The following SLC22A23 variants were observed in gnomAD, a reference collection of about 807,000 sequenced individuals.
SLC22A23 encodes solute carrier family 22 member 23, also known as ion transporter protein.
In SLC22A23, 26 loss-of-function variants were observed where a neutral mutation model predicts 61.0. The observed-to-expected ratio is 0.43, with a 90% CI of 0.31 to 0.59. The LOEUF (loss-of-function observed/expected upper bound fraction) is 0.59. Ranked by LOEUF, SLC22A23 falls within the 20% of genes least tolerant of loss-of-function variation. The pLI is 0.11. For synonymous variants in SLC22A23, 430 were observed against 413.9 expected, an observed-to-expected ratio of 1.04 and a Z score of -0.47; for missense variants, 796 against 934.7, an observed-to-expected ratio of 0.85 and a Z score of 1.94.
rs11757841 is a variant in SLC22A23, at chr6:3,357,200, T to C, written c.914-33198A>G. ...TCCAATGCCATGGAAATATGTATCA[T>C]TGTTTTTGCCAAACAAACTCCCTTA... On this transcript the variant is annotated intron_variant, in intron 3 of 9. Coordinates refer to ENST00000406686, the MANE Select transcript of SLC22A23 (RefSeq NM_015482.2). 3.1e-3 allele frequency among the ~76,000 whole-genome samples: 471 copies of C among 152,292 alleles called. 2 individuals are homozygous for C. Among genetic ancestry groups the C allele is most frequent in the South Asian group, 0.011 (55 of 4,820 alleles).
In SLC22A23 at chr6:3,304,090, C is replaced by G. The variant is rs771969339; in HGVS notation, c.1083-5872G>C. Among the ~76,000 whole-genome samples, 1 of 152,220 alleles carries G rather than the reference C, an allele frequency of 6.6e-6. No homozygotes were observed. Among genetic ancestry groups the G allele is most frequent in the African/African-American group, 2.4e-5 (1 of 41,456 alleles). ...CCAGAGAGGATTCAATTCTGCTGTT[C>G]CCCTTTCTTATCTGGGCCCACGGAG... On this transcript the variant is annotated intron_variant, in intron 4 of 9. Coordinates refer to ENST00000406686, the MANE Select transcript of SLC22A23 (RefSeq NM_015482.2). The surrounding 1 kb of genome is among the most constrained non-coding windows in gnomAD (Gnocchi z 4.3).
chr6:3,300,299 G>A (rs568768658), intron 4 of SLC22A23, among the ~76,000 whole-genome samples: 2 of 152,238 alleles, frequency 1.3e-5, no homozygotes, highest in Admixed American at 6.5e-5. Context: ...ATGAGCCACC[G>A]TGCCCGGACT....
intron 9 of SLC22A23, among the ~76,000 whole-genome samples, chr6:3,274,912 A>G (rs1031990513): frequency 6.6e-6 from 1 of 152,072 alleles, no homozygotes; most frequent in Non-Finnish European, 1.5e-5. Flanking sequence ...TTTTTCCCAA[A>G]TTGATCTATA....
rs781526188 is a variant in SLC22A23, at chr6:3,280,512, T to TTTTTTTCC, written c.1703+3339_1703+3340insGGAAAAAA. Among the ~76,000 whole-genome samples, 95 of 98,322 alleles carry TTTTTTTCC rather than the reference T, an allele frequency of 9.7e-4. 3 individuals are homozygous for TTTTTTTCC. Among genetic ancestry groups the TTTTTTTCC allele is most frequent in the Non-Finnish European group, 1.4e-3 (70 of 49,778 alleles). The allele number at this position is 98,322 out of a possible 152,430, so 64.5% of individuals were successfully genotyped here. A position where few individuals can be genotyped will look rare whatever the true frequency, so the allele number is the denominator to read the frequency against. ...CAACTTTTTTTTTTTTTTTTTTTTTTTGAGATGGAGTCTCGCTCTGTCGCC... is the reference window on the plus strand; with the variant it reads ...CAACTTTTTTTTTTTTTTTTTTTTTTTTTTTTCCTGAGATGGAGTCTCGCTCTGTCGCC... On this transcript the variant is annotated intron_variant, in intron 9 of 9. Transcript: ENST00000406686.
rs953091744 is a variant in SLC22A23 at position 3,309,414 on chromosome 6, A to G, written c.1083-11196T>C. Among the ~76,000 whole-genome samples, 1 of 152,252 alleles carries G rather than the reference A, an allele frequency of 6.6e-6. No homozygotes were observed. Among genetic ancestry groups the G allele is most frequent in the Admixed American group, 6.5e-5 (1 of 15,292 alleles). On this transcript the variant is annotated intron_variant, in intron 4 of 9. Coordinates refer to ENST00000406686, the MANE Select transcript of SLC22A23 (RefSeq NM_015482.2). The surrounding 1 kb of genome is among the most constrained non-coding windows in gnomAD (Gnocchi z 4.7). The stretch of plus-strand genomic sequence containing the variant: ...CACTGAAAACACAGACTTGCTTCAC[A>G]GAGGCGCGCCCAGGGTCTTCAGACA...
chr6:3,355,843 C>A (rs557106128), intron 3 of SLC22A23, among the ~76,000 whole-genome samples: 1 of 150,792 alleles, frequency 6.6e-6, no homozygotes, highest in Non-Finnish European at 1.5e-5. Flanking sequence ...TCCCTGTCTC[C>A]GCATCGACAC....
At chr6:3,369,711 A>T (rs559207371) in intron 3 of SLC22A23, among the ~76,000 whole-genome samples, 1 of 151,168 alleles carries the variant, frequency 6.6e-6, no homozygotes, top group South Asian at 2.1e-4. Flanking sequence ...AAAGTAATGG[A>T]ATAAACAAAT....
At chr6:3,289,377 C>T (rs917653834) in intron 6 of SLC22A23, among the ~76,000 whole-genome samples, 9 of 152,352 alleles carry the variant, frequency 5.9e-5, no homozygotes, top group Admixed American at 2.6e-4. Context: ...TCAGGAAGGG[C>T]GGGGCCGGCT....
At chr6:3,400,469 G>A (rs1768306562) in intron 3 of SLC22A23, among the ~76,000 whole-genome samples, 1 of 152,252 alleles carries the variant, frequency 6.6e-6, no homozygotes, top group African/African-American at 2.4e-5. Flanking sequence ...TCTGGTGCTT[G>A]CAGTAGGATG....
chr6:3,289,855 C>T lies in SLC22A23; in HGVS notation c.1222G>A (p.Glu408Lys). The change falls in exon 6 of 10, where the codon GAG becomes AAG. Residue 408 changes from glutamate (E) to lysine (K), a missense_variant. Physicochemically the swap from Glu to Lys is moderately conservative, Grantham distance 56. Coordinates refer to ENST00000406686, the MANE Select transcript of SLC22A23 (RefSeq NM_015482.2). ...ACCTTCTTGGGCCTCCGGGAAAGCT[C>T]TTTCTCCAGCTCTGCAAAGAAACAG... is the stretch of plus-strand genomic sequence containing the variant. Reference protein sequence around the residue: ...IKGVIPELEKELSRRPKKVCI... With the variant: ...IKGVIPELEKKLSRRPKKVCI... 5 of 1,613,944 alleles carry T rather than the reference C, an allele frequency of 3.1e-6. No homozygotes were observed. Among genetic ancestry groups the T allele is most frequent in the Non-Finnish European group, 4.2e-6 (5 of 1,180,000 alleles).
chr6:3,284,742 C>CA (rs991469002), intron 8 of SLC22A23, among the ~76,000 whole-genome samples: 11 of 152,218 alleles, frequency 7.2e-5, no homozygotes, highest in Admixed American at 5.2e-4. Context: ...CCAGCACTCC[C>CA]AGGCTTTCTC....
chr6:3,436,646 C>T (rs555122463), intron 1 of SLC22A23, among the ~76,000 whole-genome samples: 1 of 152,158 alleles, frequency 6.6e-6, no homozygotes, highest in Non-Finnish European at 1.5e-5. Context: ...CACCGTGCAC[C>T]GCTCTGCCAG....
intron 3 of SLC22A23, among the ~76,000 whole-genome samples, chr6:3,392,127 C>T (rs1165789422): frequency 6.6e-6 from 1 of 152,204 alleles, no homozygotes; most frequent in African/African-American, 2.4e-5. Context: ...CCAAGTTCTC[C>T]AGCCACCCTT....
At chr6:3,311,214 G>A (rs984354630) in intron 4 of SLC22A23, among the ~76,000 whole-genome samples, 3 of 152,186 alleles carry the variant, frequency 2.0e-5, no homozygotes, top group Non-Finnish European at 4.4e-5. Flanking sequence ...AAGAGTGGGG[G>A]ACACAGAGCA....
chr6:3,409,201 A>C (rs1769038965), intron 3 of SLC22A23, among the ~76,000 whole-genome samples: 1 of 152,262 alleles, frequency 6.6e-6, no homozygotes, highest in Non-Finnish European at 1.5e-5. Context: ...AAGAAACTAC[A>C]ATTCAGTTAA....
chr6:3,362,435 ATAAAAATTAGCATG>A (rs1561925523), intron 3 of SLC22A23, among the ~76,000 whole-genome samples: 3,448 of 113,270 alleles, frequency 0.03, 201 homozygotes, highest in African/African-American at 0.12. Flanking sequence ...AAAATAAAAA[ATAAAAATTAGCATG>A]CATTTTCATC....
At chr6:3,404,752 T>C (rs1768676313) in intron 3 of SLC22A23, among the ~76,000 whole-genome samples, 3 of 151,944 alleles carry the variant, frequency 2.0e-5, no homozygotes, top group Admixed American at 1.3e-4. Context: ...TGCTCAGAGG[T>C]GGGATAAGGG....
Position 3,415,834 on chromosome 6 carries a change from C to A in SLC22A23, c.676G>T (p.Ala226Ser), listed in dbSNP as rs1381145678. The A allele has an allele frequency of 1.9e-6, 3 of 1,551,970 alleles. No homozygotes were observed. In the Admixed American group the frequency reaches 5.9e-5, roughly 30 times the overall value. ...VSKWDLVCDN[A>S]WKVHIAKFSL... ...AACTTAGCGATATGGACCTTCCAGGCATTATCACACACAAGATCCCACTAG... is the reference window on the plus strand; with the variant it reads ...AACTTAGCGATATGGACCTTCCAGGAATTATCACACACAAGATCCCACTAG... Residue 226 changes from alanine to serine, a missense_variant, in exon 2 of 10, where the codon GCC becomes TCC. Ala to Ser is a moderately conservative substitution (Grantham distance 99). Transcript: ENST00000406686.
At position 3,323,824 on chromosome 6, in the gene SLC22A23, G is replaced by C. The variant is rs1479975669; in HGVS notation, c.1082+10C>G. The stretch of plus-strand genomic sequence containing the variant: ...GCACCAGCCCAGGGCGCTGTGCAGA[G>C]TGTACTCACGACCAGTAGAGCAGCA... On this transcript the variant is annotated intron_variant, in intron 4 of 9. Coordinates refer to ENST00000406686, the MANE Select transcript of SLC22A23 (RefSeq NM_015482.2). 6.2e-7 allele frequency: 1 copy of C among 1,612,060 alleles called. No homozygotes were observed. The highest frequency in any genetic ancestry group is 8.5e-7 in the Non-Finnish European group (1 of 1,178,964).
Sources: gnomAD v4.1 joint callset for allele counts (sites outside exome capture counted in the v4.1 genomes callset) on GRCh38, gnomAD v4.1.1 for gene constraint, Gnocchi (gnomAD v3.1) non-coding constraint, MANE v1.5 for transcripts, NCBI Gene and HGNC (gene_info 2026-07-23, HGNC 2026-07-21) for gene names.